Variants in PFKFB3 observed in about 807,000 individuals in gnomAD.
PFKFB3 encodes 6-phosphofructo-2-kinase/fructose-2,6-bisphosphatase 3.
PFKFB3 carries 33 observed loss-of-function variants against 68.0 expected under a neutral mutation model. The ratio of observed to expected loss-of-function variants is 0.49; its 90% confidence interval spans 0.37 to 0.65. The LOEUF (loss-of-function observed/expected upper bound fraction) is 0.65, where lower values mean the gene tolerates loss of function less well. Ranked by LOEUF, PFKFB3 falls within the 30% of genes least tolerant of loss-of-function variation. The pLI, the probability that PFKFB3 is intolerant of heterozygous loss-of-function variation, is 0.00. For missense variants in PFKFB3, 586 were observed against 712.2 expected, an observed-to-expected ratio of 0.82 and a Z score of 2.02; for synonymous variants, 315 against 288.2, an observed-to-expected ratio of 1.09 and a Z score of -0.94.
Position 6,226,078 on chromosome 10 carries a change from G to A in PFKFB3, c.1342-114G>A, listed in dbSNP as rs148966778. On this transcript the variant is annotated intron_variant, in intron 13 of 14. Coordinates refer to ENST00000379775, the MANE Select transcript of PFKFB3 (RefSeq NM_004566.4). ...GCCCGTGGTCCCGGCCACTCCCCTCGGTCAGTCTTTTTGCCTCTCTAAAAT... is the reference window on the plus strand; with the variant it reads ...GCCCGTGGTCCCGGCCACTCCCCTCAGTCAGTCTTTTTGCCTCTCTAAAAT... The A allele has an allele frequency of 1.5e-5, 14 of 931,556 alleles. 1 individual carries two copies. The highest frequency in any genetic ancestry group is 9.7e-5 in the South Asian group (6 of 62,018). The allele number at this position is 931,556 out of a possible 1,614,324, so 57.7% of individuals were successfully genotyped here. A position where few individuals can be genotyped will look rare whatever the true frequency, so the allele number is the denominator to read the frequency against.
the PFKFB3 span, among the ~76,000 whole-genome samples, chr10:6,269,523 C>G: frequency 6.6e-6 from 1 of 152,076 alleles, no homozygotes; most frequent in African/African-American, 2.4e-5. Flanking sequence ...TTCCAGATTC[C>G]GGGGTCTGTT....
the PFKFB3 span, among the ~76,000 whole-genome samples, chr10:6,262,318 G>C: frequency 3.3e-5 from 5 of 151,550 alleles, no homozygotes; most frequent in Non-Finnish European, 7.4e-5. Context: ...GCCGGGTGGG[G>C]TGGGGGGTGC....
In PFKFB3 at chr10:6,187,980, C is replaced by CTATCT. The variant is rs1564606840; in HGVS notation, c.17-25643_17-25642insTATCT. 2.5e-3 allele frequency among the ~76,000 whole-genome samples: 204 copies of CTATCT among 82,756 alleles called. 2 individuals are homozygous for CTATCT. The highest frequency in any genetic ancestry group is 0.012 in the African/African-American group (189 of 15,448). 54.3% of individuals were successfully genotyped at this position (82,756 alleles called of 152,430 possible). On this transcript the variant is annotated intron_variant, in intron 1 of 14. Coordinates refer to the PFKFB3 transcript ENST00000379789. ...CTATCTATCTATCTATCTATCTATC[C>CTATCT]ATCCATCCATTTACCTACCTACATA...
chr10:6,170,314 T>C (rs146564203), intron 1 of PFKFB3, among the ~76,000 whole-genome samples: 19 of 152,324 alleles, frequency 1.2e-4, no homozygotes, highest in African/African-American at 4.6e-4. Context: ...GAACGCTAAT[T>C]GCTTCAACAT....
At chr10:6,187,981 A>T (rs994653906) in intron 1 of PFKFB3, among the ~76,000 whole-genome samples, 2 of 122,412 alleles carry the variant, frequency 1.6e-5, no homozygotes, top group Non-Finnish European at 1.8e-5. Context: ...CTATCTATCC[A>T]TCCATCCATT....
At chr10:6,313,023 A>G in the PFKFB3 span, among the ~76,000 whole-genome samples, 13 of 152,364 alleles carry the variant, frequency 8.5e-5, no homozygotes, top group African/African-American at 3.1e-4. The surrounding 1 kb of genome is among the most constrained non-coding windows in gnomAD (Gnocchi z 4.2). Context: ...AACTGTATGA[A>G]CTGGGGGGTA....
intron 1 of PFKFB3, among the ~76,000 whole-genome samples, chr10:6,155,297 G>T (rs1000588607): frequency 1.3e-5 from 2 of 149,458 alleles, no homozygotes; most frequent in African/African-American, 4.9e-5. Flanking sequence ...CCGCCTCCCG[G>T]GTTCATGCCA....
At chr10:6,204,973 G>A (rs1005302791) in intron 1 of PFKFB3, among the ~76,000 whole-genome samples, 5 of 152,164 alleles carry the variant, frequency 3.3e-5, no homozygotes, top group African/African-American at 7.2e-5. Context: ...GAACTCCAGC[G>A]TGCACCAAGG....
intron 1 of PFKFB3, among the ~76,000 whole-genome samples, chr10:6,196,133 T>TTA (rs917118893): frequency 1.3e-4 from 20 of 151,874 alleles, no homozygotes; most frequent in African/African-American, 4.8e-4. Context: ...CTTGCCTTTT[T>TTA]TTTTTTTTTC....
chr10:6,221,912 G>A (rs921985584), intron 10 of PFKFB3, among the ~76,000 whole-genome samples, 167 bp downstream of exon 10: 1 of 152,196 alleles, frequency 6.6e-6, no homozygotes, highest in African/African-American at 2.4e-5. Context: ...ACAGCCTGGG[G>A]TGAAGTGCAT....
intron 1 of PFKFB3, among the ~76,000 whole-genome samples, chr10:6,196,163 G>T (rs60962321): frequency 1.3e-5 from 2 of 148,830 alleles, no homozygotes; most frequent in African/African-American, 2.5e-5. Context: ...ATGGAGTCTC[G>T]CTCTGTCTCC....
rs1242752213 is a variant in PFKFB3, at chr10:6,183,614, A to AAAAATATAT, written c.17-30008_17-30007insAAATATATA. ...GACCAGCCTGGTCAAAAAAAAAAAA[A>AAAAATATAT]ATATATATATATATATATGTATATA... On this transcript the variant is annotated intron_variant, in intron 1 of 14. Transcript: ENST00000379789. 5.2e-3 allele frequency among the ~76,000 whole-genome samples: 492 copies of AAAAATATAT among 93,880 alleles called. 8 individuals carry two copies. Among genetic ancestry groups the AAAAATATAT allele is most frequent in the African/African-American group, 0.016 (465 of 29,310 alleles). The allele number at this position is 93,880 out of a possible 152,430, so 61.6% of individuals were successfully genotyped here.
At chr10:6,193,714 C>T (rs895210605) in intron 1 of PFKFB3, among the ~76,000 whole-genome samples, 4 of 151,886 alleles carry the variant, frequency 2.6e-5, no homozygotes, top group Admixed American at 6.6e-5. Flanking sequence ...TTGGGATAGG[C>T]GGTGGAGTTA....
chr10:6,232,949 C>G lies in PFKFB3; in HGVS notation c.*7C>G, dbSNP rs373386969. On this transcript the variant is annotated 3_prime_UTR_variant, in exon 15 of 15. Transcript: ENST00000379775. Reference sequence around the variant, plus strand: ...CTCCTCCAGGAAACACTGAGGCAGACGTGTCGGTTCCATTCCATTTCCATT... The same window carrying G: ...CTCCTCCAGGAAACACTGAGGCAGAGGTGTCGGTTCCATTCCATTTCCATT... 3.7e-6 allele frequency: 6 copies of G among 1,607,956 alleles called. No individual in the cohort carries two copies. The highest frequency in any genetic ancestry group is 5.1e-6 in the Non-Finnish European group (6 of 1,174,590).
At chr10:6,260,349 G>T in the PFKFB3 span, among the ~76,000 whole-genome samples, 2 of 144,758 alleles carry the variant, frequency 1.4e-5, no homozygotes, top group Non-Finnish European at 3.0e-5. Flanking sequence ...GGGAGGCAGA[G>T]ATTGCAGTGA....
chr10:6,246,014 C>A (rs1323405673), intron 14 of PFKFB3, among the ~76,000 whole-genome samples: 3 of 152,192 alleles, frequency 2.0e-5, no homozygotes, highest in Admixed American at 6.5e-5. Context: ...GCCGCCTCCT[C>A]TTCCTTCTTC....
chr10:6,197,000 T>A (rs73614099), intron 1 of PFKFB3, among the ~76,000 whole-genome samples: 3,162 of 151,568 alleles, frequency 0.021, 105 homozygotes, highest in African/African-American at 0.073. Flanking sequence ...TATTATTATT[T>A]TTGAGACAGA....
intron 1 of PFKFB3, among the ~76,000 whole-genome samples, chr10:6,194,920 T>C (rs1843135845): frequency 6.6e-6 from 1 of 151,694 alleles, no homozygotes; most frequent in Non-Finnish European, 1.5e-5. Context: ...TCACCCAGGC[T>C]GGAATGCAGT....
At chr10:6,169,117 T>C (rs1480178690) in intron 1 of PFKFB3, among the ~76,000 whole-genome samples, 1 of 152,216 alleles carries the variant, frequency 6.6e-6, no homozygotes. Flanking sequence ...ATTTTTTGTA[T>C]TTTTAGTAGA....
Sources: allele counts gnomAD v4.1 joint callset (sites outside exome capture counted in the v4.1 genomes callset), GRCh38; gene constraint gnomAD v4.1.1; non-coding constraint Gnocchi (gnomAD v3.1); transcripts MANE v1.5; gene names NCBI Gene and HGNC (gene_info 2026-07-23, HGNC 2026-07-21).